The following ATE1 variants were observed in gnomAD, a reference collection of about 807,000 sequenced individuals.
The protein encoded by ATE1 is arginyltransferase 1.
In ATE1, 36 loss-of-function variants were observed where a neutral mutation model predicts 70.5. The observed-to-expected ratio is 0.51, with a 90% confidence interval of 0.39 to 0.67. ATE1 has a LOEUF of 0.67. Ranked by LOEUF, ATE1 falls within the 30% of genes least tolerant of loss-of-function variation. The pLI, the probability that ATE1 is intolerant of heterozygous loss-of-function variation, is 0.00. For missense variants in ATE1, 593 were observed against 629.5 expected (o/e 0.94, Z 0.62); for synonymous variants, 232 against 219.3 (o/e 1.06, Z -0.51).
intron 11 of ATE1, among the ~76,000 whole-genome samples, chr10:121,759,356 T>C (rs558780602): frequency 6.6e-6 from 1 of 152,316 alleles, no homozygotes; most frequent in Admixed American, 6.5e-5. Flanking sequence ...GTAAGGACAT[T>C]GCAGAAGAAA....
chr10:121,860,582 A>G (rs947272378), intron 8 of ATE1, among the ~76,000 whole-genome samples: 2 of 152,268 alleles, frequency 1.3e-5, no homozygotes, highest in Non-Finnish European at 2.9e-5. Context: ...AACTTTACCA[A>G]GCTTATGTAA....
intron 8 of ATE1, chr10:121,846,701 T>TAAATAAAG (rs1948836991): frequency 4.5e-4 from 1 of 2,246 alleles, no homozygotes; most frequent in African/African-American, 4.9e-4. Context: ...CTAGCCTGCC[T>TAAATAAAG]AAATAAATAA....
intron 8 of ATE1, among the ~76,000 whole-genome samples, chr10:121,854,504 G>A (rs1190095269): frequency 1.3e-5 from 2 of 152,152 alleles, no homozygotes; most frequent in Non-Finnish European, 2.9e-5. Context: ...CTCACAGTCT[G>A]TTAAGCCTAA....
intron 7 of ATE1, among the ~76,000 whole-genome samples, chr10:121,890,446 A>C (rs1301187517): frequency 1.3e-5 from 2 of 152,228 alleles, no homozygotes; most frequent in East Asian, 3.8e-4. Flanking sequence ...AAAAAAGATA[A>C]AGCAAAGAAA....
chr10:121,912,091 C>T (rs1320423653), intron 4 of ATE1, among the ~76,000 whole-genome samples: 2 of 151,092 alleles, frequency 1.3e-5, no homozygotes, highest in African/African-American at 2.4e-5. Flanking sequence ...AGGGTTTCAC[C>T]GTGTAAGCCA....
At chr10:121,780,746 C>A (rs990442092) in intron 11 of ATE1, among the ~76,000 whole-genome samples, 27 of 152,192 alleles carry the variant, frequency 1.8e-4, no homozygotes, top group Admixed American at 3.9e-4. Context: ...TCTGTTCCAT[C>A]CCCTGTTGAA....
rs1053687644 is a variant in ATE1, at chr10:121,740,913, A to G, written c.*2767T>C. 1 of 152,234 alleles carries G rather than the reference A, an allele frequency of 6.6e-6. No homozygotes were observed. The highest frequency in any genetic ancestry group is 2.4e-5 in the African/African-American group (1 of 41,464). 9.4% of individuals were successfully genotyped at this position (152,234 alleles called of 1,614,324 possible). ...ATATCATCTATCTTTTAGAATACAA[A>G]AAAGTGCTCAGATTACATTTAAAAA... On this transcript the variant is annotated 3_prime_UTR_variant, in exon 12 of 12. Transcript: ENST00000224652.
chr10:121,917,200 AG>A (rs1273974301), intron 3 of ATE1, among the ~76,000 whole-genome samples: 1 of 152,098 alleles, frequency 6.6e-6, no homozygotes, highest in African/African-American at 2.4e-5. Context: ...GTGATGCTTC[AG>A]GTGCAGGGGG....
chr10:121,835,579 T>C (rs1042249752), intron 10 of ATE1, among the ~76,000 whole-genome samples: 2 of 151,812 alleles, frequency 1.3e-5, no homozygotes, highest in South Asian at 4.2e-4. Context: ...GTCAAACAAA[T>C]TGACTGTAAA....
chr10:121,916,236 A>G (rs1165121470), intron 3 of ATE1, among the ~76,000 whole-genome samples: 1 of 152,140 alleles, frequency 6.6e-6, no homozygotes, highest in Non-Finnish European at 1.5e-5. Flanking sequence ...CGAAAAACAA[A>G]AAACAACAAC....
rs1317499683 is a variant in ATE1, at chr10:121,913,888, C to T, written c.239G>A (p.Arg80Gln). The T allele has an allele frequency of 3.1e-6, 5 of 1,606,504 alleles. No homozygotes were observed. Among genetic ancestry groups the T allele is most frequent in the South Asian group, 2.2e-5 (2 of 89,760 alleles). Residue 80 changes from arginine (R) to glutamine (Q), a missense_variant, in exon 4 of 12, where the codon CGA becomes CAA. Physicochemically the swap from Arg to Gln is conservative, Grantham distance 43 (BLOSUM62 1). Coordinates refer to ENST00000224652, the MANE Select transcript of ATE1 (RefSeq NM_001001976.3). Reference protein sequence around the residue: ...TCCPQYTIRCRPLQFQPSKSH... With the variant: ...TCCPQYTIRCQPLQFQPSKSH... ...TTTTGAAGGCTGAAATTGTAAAGGT[C>T]GGCACCTAGGAAAGCAAAATAAATA...
At chr10:121,880,562 T>C (rs947310880) in intron 7 of ATE1, among the ~76,000 whole-genome samples, 3 of 149,544 alleles carry the variant, frequency 2.0e-5, no homozygotes, top group Non-Finnish European at 3.0e-5. Flanking sequence ...CCCACAAATA[T>C]ATATATACAT....
intron 8 of ATE1, among the ~76,000 whole-genome samples, chr10:121,857,532 T>C (rs144075880): frequency 1.3e-5 from 2 of 152,208 alleles, no homozygotes; most frequent in African/African-American, 4.8e-5. Context: ...TCAGCCACTG[T>C]GGAAAGCAGT....
intron 10 of ATE1, among the ~76,000 whole-genome samples, chr10:121,829,523 G>A (rs1590413017): frequency 1.3e-5 from 2 of 151,510 alleles, no homozygotes; most frequent in Admixed American, 1.3e-4. Flanking sequence ...GCCTGGCCAA[G>A]ATGGTGAAAC....
In ATE1 at chr10:121,804,926, CTATT is replaced by C. The variant is rs529241764; in HGVS notation, c.1258-14641_1258-14638del. 2.5e-3 allele frequency among the ~76,000 whole-genome samples: 377 copies of C among 152,190 alleles called. 5 individuals are homozygous for C. The highest frequency in any genetic ancestry group is 0.023 in the Admixed American group (352 of 15,278). ...TAACTTCTTTTTATCTTCACAGAGACTATTTATTAAGGGAGTTTTAACTCTCTGC... is the reference window on the plus strand; with the variant it reads ...TAACTTCTTTTTATCTTCACAGAGACTATTAAGGGAGTTTTAACTCTCTGC... On this transcript the variant is annotated intron_variant, in intron 10 of 11. Transcript: ENST00000224652.
At chr10:121,839,750 T>C (rs987367744) in intron 9 of ATE1, among the ~76,000 whole-genome samples, 1 of 152,106 alleles carries the variant, frequency 6.6e-6, no homozygotes, top group Admixed American at 6.5e-5. Context: ...AAAAGTCAAG[T>C]TGAAAATGCT....
At position 121,836,701 on chromosome 10, in the gene ATE1, G is replaced by A; in HGVS notation, c.1257+17C>T. 7.1e-7 allele frequency: 1 copy of A among 1,417,486 alleles called. No individual in the cohort carries two copies. The highest frequency in any genetic ancestry group is 9.7e-7 in the Non-Finnish European group (1 of 1,033,320). The allele number at this position is 1,417,486 out of a possible 1,614,324, so 87.8% of individuals were successfully genotyped here. ...TTTTCTATAATAAAAATACACATAT[G>A]TGAAAATCAACTTTACCTTATATTT... On this transcript the variant is annotated intron_variant, in intron 10 of 11. Coordinates refer to ENST00000224652, the MANE Select transcript of ATE1 (RefSeq NM_001001976.3).
At chr10:121,792,134 G>A (rs117941659) in intron 10 of ATE1, among the ~76,000 whole-genome samples, 1 of 129,678 alleles carries the variant, frequency 7.7e-6, no homozygotes, top group East Asian at 2.2e-4. Context: ...GAGGACTTAA[G>A]ACTGACTGAA....
At chr10:121,858,077 C>G (rs979501852) in intron 8 of ATE1, among the ~76,000 whole-genome samples, 1 of 152,088 alleles carries the variant, frequency 6.6e-6, no homozygotes, top group Non-Finnish European at 1.5e-5. Context: ...TTTTGTTTAT[C>G]CATTCATCCA....
Sources: gnomAD v4.1 joint callset for allele counts (sites outside exome capture counted in the v4.1 genomes callset) on GRCh38, gnomAD v4.1.1 for gene constraint, MANE v1.5 for transcripts, NCBI Gene and HGNC (gene_info 2026-07-23, HGNC 2026-07-21) for gene names.